INPP4B: variants seen among roughly 807,000 people sequenced by gnomAD.
The protein encoded by INPP4B is inositol polyphosphate-4-phosphatase type II B, also known as inositol polyphosphate 4-phosphatase type II.
A neutral mutation model predicts 122.5 loss-of-function variants in INPP4B; 55 were observed. The ratio of observed to expected loss-of-function variants is 0.45; its 90% confidence interval spans 0.36 to 0.56. The LOEUF (loss-of-function observed/expected upper bound fraction) is 0.56. INPP4B is among the 20% of genes least tolerant of loss of function. INPP4B has a pLI of 0.00. For missense variants in INPP4B, 1,000 were observed against 1,097.7 expected (o/e 0.91, Z 1.26); for synonymous variants, 403 against 388.7 (o/e 1.04, Z -0.43).
At chr4:142,275,864 G>A (rs1360154191) in intron 9 of INPP4B, among the ~76,000 whole-genome samples, 1 of 151,616 alleles carries the variant, frequency 6.6e-6, no homozygotes, top group Non-Finnish European at 1.5e-5. Flanking sequence ...CTTTTATGAA[G>A]ATCTACCCCA....
At chr4:142,077,771 T>C (rs7670694) in intron 25 of INPP4B, among the ~76,000 whole-genome samples, 3,771 of 151,832 alleles carry the variant, frequency 0.025, 172 homozygotes, top group African/African-American at 0.087. Context: ...AATTTTGCAA[T>C]ACACATACAT....
At chr4:142,059,503 C>G (rs1360859864) in intron 25 of INPP4B, among the ~76,000 whole-genome samples, 1 of 152,102 alleles carries the variant, frequency 6.6e-6, no homozygotes, top group East Asian at 1.9e-4. Context: ...TGAGAAGGAA[C>G]ACAACATATT....
chr4:142,625,842 A>C (rs1481465562), intron 2 of INPP4B, among the ~76,000 whole-genome samples: 2 of 152,186 alleles, frequency 1.3e-5, no homozygotes, highest in East Asian at 3.9e-4. Context: ...ACCTACAACT[A>C]TCTGATCTTT....
intron 2 of INPP4B, among the ~76,000 whole-genome samples, chr4:142,713,767 G>C (rs1357922938): frequency 6.6e-6 from 1 of 152,140 alleles, no homozygotes; most frequent in Non-Finnish European, 1.5e-5. Flanking sequence ...GGAAATATGT[G>C]CTGGCCTCTT....
intron 16 of INPP4B, among the ~76,000 whole-genome samples, chr4:142,166,345 A>T (rs1430590964): frequency 1.3e-5 from 2 of 151,792 alleles, no homozygotes; most frequent in Admixed American, 1.3e-4. Context: ...ATATGCAGAA[A>T]ATTGAAACTG....
At chr4:142,564,980 C>CT (rs1731317270) in intron 2 of INPP4B, among the ~76,000 whole-genome samples, 1 of 152,240 alleles carries the variant, frequency 6.6e-6, no homozygotes. Context: ...CACCAATGCT[C>CT]TTTTTTGGAT....
intron 2 of INPP4B, among the ~76,000 whole-genome samples, chr4:142,632,217 C>T (rs76334504): frequency 1.2e-3 from 183 of 152,194 alleles, no homozygotes; most frequent in African/African-American, 4.3e-3. Flanking sequence ...ATGGGGTCAC[C>T]TTTGTTTTCA....
intron 2 of INPP4B, among the ~76,000 whole-genome samples, chr4:142,693,234 G>T (rs879304385): frequency 6.6e-6 from 1 of 151,882 alleles, no homozygotes; most frequent in Non-Finnish European, 1.5e-5. Flanking sequence ...ATGGCTAGGT[G>T]AGAAATACAC....
intron 11 of INPP4B, among the ~76,000 whole-genome samples, chr4:142,246,051 T>TGTGTG (rs1561601337): frequency 8.3e-3 from 434 of 52,490 alleles, no homozygotes; most frequent in Non-Finnish European, 8.7e-3. Context: ...TATACACACA[T>TGTGTG]TATATATATG....
chr4:142,509,198 T>C (rs1293327514), intron 2 of INPP4B, among the ~76,000 whole-genome samples: 1 of 152,254 alleles, frequency 6.6e-6, no homozygotes, highest in Non-Finnish European at 1.5e-5. Context: ...GTTCTGTCAC[T>C]TCCTGACGGT....
chr4:142,458,693 C>T (rs929352587), intron 3 of INPP4B, among the ~76,000 whole-genome samples: 3 of 152,050 alleles, frequency 2.0e-5, no homozygotes, highest in African/African-American at 7.2e-5. Context: ...ATAAAGGAGC[C>T]AAGAGTCCCA....
intron 2 of INPP4B, among the ~76,000 whole-genome samples, chr4:142,648,952 C>G (rs886867181): frequency 1.3e-5 from 2 of 152,198 alleles, no homozygotes; most frequent in Admixed American, 6.5e-5. Flanking sequence ...TAGGGGCCGA[C>G]AGACACCTCA....
At chr4:142,270,589 G>T (rs561057824) in intron 10 of INPP4B, 74 bp downstream of exon 10, 1 of 1,006,668 alleles carries the variant, frequency 9.9e-7, no homozygotes, top group Non-Finnish European at 1.6e-6. Flanking sequence ...CCACAGAGAT[G>T]TTGGTGAGAC....
chr4:142,781,012 T>A (rs1265132540), intron 1 of INPP4B, among the ~76,000 whole-genome samples: 1 of 152,308 alleles, frequency 6.6e-6, no homozygotes, highest in East Asian at 1.9e-4. Flanking sequence ...CTCATAATAC[T>A]CACTGAATTT....
intron 9 of INPP4B, among the ~76,000 whole-genome samples, chr4:142,301,396 GA>G (rs1374145400): frequency 6.6e-6 from 1 of 152,074 alleles, no homozygotes; most frequent in African/African-American, 2.4e-5. Context: ...GGACAAGGAA[GA>G]AAAAATTCCG....
intron 1 of INPP4B, among the ~76,000 whole-genome samples, chr4:142,737,302 A>T (rs977334030): frequency 6.6e-6 from 1 of 152,178 alleles, no homozygotes; most frequent in Admixed American, 6.5e-5. Context: ...CTCAGAAATA[A>T]TGCCACATAT....
intron 7 of INPP4B, among the ~76,000 whole-genome samples, chr4:142,330,494 GTCAGAA>G (rs1774041989): frequency 6.6e-6 from 1 of 152,120 alleles, no homozygotes; most frequent in African/African-American, 2.4e-5. Context: ...TAAACTGCCT[GTCAGAA>G]CCAGGGATGC....
intron 1 of INPP4B, among the ~76,000 whole-genome samples, chr4:142,822,551 C>T (rs1780916169): frequency 6.6e-6 from 1 of 152,118 alleles, no homozygotes; most frequent in South Asian, 2.1e-4. Context: ...ATCTGGGATG[C>T]ACTCCTTATG....
At chr4:142,447,035 G>T (rs1813056006) in intron 3 of INPP4B, among the ~76,000 whole-genome samples, 1 of 152,170 alleles carries the variant, frequency 6.6e-6, no homozygotes, top group Non-Finnish European at 1.5e-5. Flanking sequence ...CTTTATATCT[G>T]TTATGTTTTA....
Sources: allele counts gnomAD v4.1 joint callset (sites outside exome capture counted in the v4.1 genomes callset), GRCh38; gene constraint gnomAD v4.1.1; transcripts MANE v1.5; gene names NCBI Gene and HGNC (gene_info 2026-07-23, HGNC 2026-07-21).